Variants in CROCC observed in about 807,000 individuals in gnomAD.
CROCC encodes the protein ciliary rootlet coiled-coil, rootletin, also known as rootletin.
In CROCC, 180 loss-of-function variants were observed where a neutral mutation model predicts 245.2. The ratio of observed to expected loss-of-function variants is 0.73; its 90% confidence interval spans 0.65 to 0.83. The LOEUF is 0.83. Ranked by LOEUF, CROCC falls within the 40% of genes least tolerant of loss-of-function variation. The pLI is 0.00. For synonymous variants in CROCC, 1,205 were observed against 1,241.6 expected (o/e 0.97, Z 0.62); for missense variants, 2,688 against 2,779.4 (o/e 0.97, Z 0.74).
At position 16,939,878 on chromosome 1, in the gene CROCC, A is replaced by G; in HGVS notation, c.1609-16A>G. The stretch of plus-strand genomic sequence containing the variant: ...CTCTCAGGCCCCCCCAGACTCTGTG[A>G]CCCCCCACACCCCAGGACATGCGTG... On this transcript the variant is annotated splice_polypyrimidine_tract_variant and intron_variant, in intron 12 of 36. Transcript: ENST00000375541. The G allele has an allele frequency of 6.2e-7, 1 of 1,609,842 alleles. No homozygotes were observed. Among genetic ancestry groups the G allele is most frequent in the Non-Finnish European group, 8.5e-7 (1 of 1,178,364 alleles).
chr1:16,950,833 G>C lies in CROCC; in HGVS notation c.2837-120G>C, dbSNP rs185343234. ...AGCCACTTCAAGAGGACCCAAACTAGATGCCAGGCAGGCCCTCTGCCTCTG... is the reference window on the plus strand; with the variant it reads ...AGCCACTTCAAGAGGACCCAAACTACATGCCAGGCAGGCCCTCTGCCTCTG... On this transcript the variant is annotated intron_variant, in intron 19 of 36. Coordinates refer to ENST00000375541, the MANE Select transcript of CROCC (RefSeq NM_014675.5). 1.0e-4 allele frequency: 83 copies of C among 807,468 alleles called. No homozygotes were observed. The African/African-American group carries it at 1.2e-3, about 12-fold the overall frequency. 50.0% of individuals were successfully genotyped at this position (807,468 alleles called of 1,614,324 possible). A position where few individuals can be genotyped will look rare whatever the true frequency, so the allele number is the denominator to read the frequency against.
chr1:16,952,637 A>T (rs934445897), intron 20 of CROCC, among the ~76,000 whole-genome samples: 1 of 151,880 alleles, frequency 6.6e-6, no homozygotes, highest in Non-Finnish European at 1.5e-5. Flanking sequence ...CAGGGATCTG[A>T]ACTCCTGTGA....
chr1:16,935,184 G>A (rs1323460044), intron 8 of CROCC, among the ~76,000 whole-genome samples: 2 of 152,218 alleles, frequency 1.3e-5, no homozygotes, highest in Non-Finnish European at 2.9e-5. Context: ...ACAGGCATGA[G>A]CCACCACGCC....
At position 16,939,012 on chromosome 1, in the gene CROCC, CG is replaced by C; in HGVS notation, c.1479del (p.Ser494ProfsTer30). The C allele has an allele frequency of 6.2e-7, 1 of 1,601,260 alleles. No individual in the cohort carries two copies. The highest frequency in any genetic ancestry group is 8.5e-7 in the Non-Finnish European group (1 of 1,175,754). On this transcript the variant is annotated frameshift_variant, in exon 12 of 37. Coordinates refer to ENST00000375541, the MANE Select transcript of CROCC (RefSeq NM_014675.5). LOFTEE classifies it high-confidence loss of function. ...CGGGGGCTCTCGGGCCAGCGGACCC[CG>C]TCCCCACCGCGGCGCTCCTCGCCCG... is the stretch of plus-strand genomic sequence containing the variant. ...SLRGLSGQRT[P>X]SPPRRSSPGR...
At chr1:16,916,981 G>A (rs146104439), upstream of CROCC, among the ~76,000 whole-genome samples, 5,274 of 151,302 alleles carry the variant, frequency 0.035, no homozygotes, top group Middle Eastern at 0.058. Flanking sequence ...AGCTGGGCGC[G>A]GTGGCGCATA....
chr1:16,972,523 A>AGAG lies in CROCC; in HGVS notation c.*78_*80dup, dbSNP rs1440475186. The stretch of plus-strand genomic sequence containing the variant: ...CTTCTTTTGGACAGCCCCCCCACCC[A>AGAG]GAGCCCGGTCCCTTGGGGGCCTCAA... On this transcript the variant is annotated 3_prime_UTR_variant, in exon 37 of 37. Transcript: ENST00000375541. 7 of 868,126 alleles carry AGAG rather than the reference A, an allele frequency of 8.1e-6. No individual in the cohort carries two copies. The highest frequency in any genetic ancestry group is 1.2e-5 in the Non-Finnish European group (7 of 587,638). 53.8% of individuals were successfully genotyped at this position (868,126 alleles called of 1,614,324 possible).
rs868828992 is a variant in CROCC at position 16,962,738 on chromosome 1, T to A, written c.4405+1608T>A. ...AATATACATATATATATATGTATATTTTTTTTTTTTAGGAGAGATGGGGTT... is the reference window on the plus strand; with the variant it reads ...AATATACATATATATATATGTATATATTTTTTTTTTAGGAGAGATGGGGTT... On this transcript the variant is annotated intron_variant, in intron 27 of 36. Transcript: ENST00000375541. 7.4e-4 allele frequency among the ~76,000 whole-genome samples: 107 copies of A among 144,106 alleles called. 1 individual carries two copies. Among genetic ancestry groups the A allele is most frequent in the Middle Eastern group, 3.6e-3 (1 of 280 alleles). The allele number at this position is 144,106 out of a possible 152,430, so 94.5% of individuals were successfully genotyped here. A position where few individuals can be genotyped will look rare whatever the true frequency, so the allele number is the denominator to read the frequency against.
rs778501784 is a variant in CROCC at position 16,946,796 on chromosome 1, A to G, written c.2319A>G (p.Gln773=). Residue 773 remains glutamine (Q), a synonymous_variant, in exon 17 of 37, where the codon CAA becomes CAG. Coordinates refer to ENST00000375541, the MANE Select transcript of CROCC (RefSeq NM_014675.5). ...AAAAGTCCGCCCTGCAGGGCCGGCAACGGCAGGCAGAGCAGGAGGCCACAG... is the reference window on the plus strand; with the variant it reads ...AAAAGTCCGCCCTGCAGGGCCGGCAGCGGCAGGCAGAGCAGGAGGCCACAG... ...EEEKSALQGR[Q]RQAEQEATVA... The G allele has an allele frequency of 3.0e-5, 47 of 1,552,048 alleles. No individual in the cohort carries two copies. The highest frequency in any genetic ancestry group is 5.5e-5 in the African/African-American group (4 of 73,166).
At chr1:16,970,194 C>T in intron 33 of CROCC, 59 bp from the exon 34 acceptor site, 1 of 1,455,848 alleles carries the variant, frequency 6.9e-7, no homozygotes, top group Non-Finnish European at 9.2e-7. Context: ...TGTCCCCAAG[C>T]TTCAGATAAG....
At chr1:16,971,317 G>C (rs947812516) in intron 35 of CROCC, 148 bp from the exon 36 acceptor site, 34 of 1,270,180 alleles carry the variant, frequency 2.7e-5, no homozygotes, top group Non-Finnish European at 3.3e-5. Context: ...CTCACTGTCA[G>C]GGCCAGCAGG....
intron 27 of CROCC, among the ~76,000 whole-genome samples, chr1:16,963,752 T>C (rs923176810): frequency 4.7e-5 from 7 of 148,936 alleles, no homozygotes; most frequent in South Asian, 2.2e-4. Context: ...TGGATTCCCA[T>C]CTCAGCCCTG....
Position 16,938,386 on chromosome 1 carries a change from T to C in CROCC, c.1291-14T>C. ...GAACCCCAACCACCCTTTGTCTCCC[T>C]AACCGCACTCCAGGAATCCCTGCGG... On this transcript the variant is annotated splice_polypyrimidine_tract_variant and intron_variant, in intron 10 of 36. Transcript: ENST00000375541. 6.4e-7 allele frequency: 1 copy of C among 1,554,008 alleles called. No homozygotes were observed. The highest frequency in any genetic ancestry group is 8.7e-7 in the Non-Finnish European group (1 of 1,149,086).
chr1:16,960,792 A>G lies in CROCC; in HGVS notation c.4067A>G (p.Glu1356Gly), dbSNP rs977355507. 2 of 1,540,370 alleles carry G rather than the reference A, an allele frequency of 1.3e-6. No homozygotes were observed. The highest frequency in any genetic ancestry group is 1.2e-5 in the South Asian group (1 of 84,482). Residue 1356 changes from glutamate (E) to glycine (G), a missense_variant, in exon 27 of 37, where the codon GAA becomes GGA. Glu to Gly is a moderately conservative substitution (Grantham distance 98). This residue lies in a region of CROCC where 1,218 missense variants were observed against 1,286.3 expected (regional missense o/e 0.95). Transcript: ENST00000375541. The part of the protein sequence containing the change: ...QVAQRKLQEQ[E>G]GEFRTRERRL... The stretch of plus-strand genomic sequence containing the variant: ...GCCCAGCGGAAGCTGCAGGAACAAG[A>G]AGGCGAGTTCCGGACCCGCGAGCGA...
rs1321160634 is a variant in CROCC, at chr1:16,940,010, C to G, written c.1725C>G (p.Asp575Glu). The change falls in exon 13 of 37, where the codon GAC (aspartate) becomes GAG (glutamate). Residue 575 changes from aspartate (D) to glutamate (E), a missense_variant. Around this residue, in one of 9 missense-constraint regions of CROCC, gnomAD observed 972 missense variants for 895.3 expected, o/e 1.09. Transcript: ENST00000375541. Reference sequence around the variant, plus strand: ...AGGAACAGCTGCAGCGCCTGCGGGACAAGACCGACGGCGCCATGCAGGCCC... The same window carrying G: ...AGGAACAGCTGCAGCGCCTGCGGGAGAAGACCGACGGCGCCATGCAGGCCC... ...ALEEQLQRLRDKTDGAMQAHE... is the reference protein window; with the variant it reads ...ALEEQLQRLREKTDGAMQAHE... 16 of 1,611,692 alleles carry G rather than the reference C, an allele frequency of 9.9e-6. No individual in the cohort carries two copies. The highest frequency in any genetic ancestry group is 1.3e-5 in the Non-Finnish European group (15 of 1,179,596).
At chr1:16,928,840 A>T (rs2075597014) in intron 3 of CROCC, among the ~76,000 whole-genome samples, 1 of 151,970 alleles carries the variant, frequency 6.6e-6, no homozygotes, top group Admixed American at 6.6e-5. Flanking sequence ...AAAAATAAAT[A>T]AATAAAGATG....
At chr1:16,923,399 C>T (rs986211793) in intron 2 of CROCC, among the ~76,000 whole-genome samples, 1 of 152,298 alleles carries the variant, frequency 6.6e-6, no homozygotes, top group Non-Finnish European at 1.5e-5. Context: ...GATGTTGGCG[C>T]CCTGGAGCCC....
In CROCC at chr1:16,948,417, G is replaced by T. The variant is rs776506952; in HGVS notation, c.2601G>T (p.Ala867=). 1.3e-6 allele frequency: 2 copies of T among 1,573,294 alleles called. No individual in the cohort carries two copies. The highest frequency in any genetic ancestry group is 2.3e-5 in the East Asian group (1 of 43,692). The change falls in exon 18 of 37, where the codon GCG becomes GCT. Residue 867 remains alanine, a synonymous_variant. Transcript: ENST00000375541. ...GGCAAGTGGAGGCGCTGGAGCGAGC[G>T]GCCCGTGAGAAGGAGGCGCTAGCCA... ...AQRQVEALER[A]AREKEALAKE...
rs2075801427 is a variant in CROCC, at chr1:16,936,828, A to G, written c.1148A>G (p.Gln383Arg). 2 of 1,612,222 alleles carry G rather than the reference A, an allele frequency of 1.2e-6. No individual in the cohort carries two copies. The highest frequency in any genetic ancestry group is 1.7e-6 in the Non-Finnish European group (2 of 1,179,822). ...DKVLREKDLA[Q>R]QQMQSDLDKA... is the part of the protein sequence containing the mutation. ...GTGCTCCGCGAGAAGGACCTGGCGC[A>G]GCAGCAGATGCAAAGCGACCTGGAC... Residue 383 changes from glutamine (Q) to arginine (R), a missense_variant, in exon 9 of 37, where the codon CAG (glutamine) becomes CGG (arginine). Around this residue, in one of 9 missense-constraint regions of CROCC, gnomAD observed 972 missense variants for 895.3 expected, o/e 1.09. Coordinates refer to ENST00000375541, the MANE Select transcript of CROCC (RefSeq NM_014675.5).
In CROCC at chr1:16,954,240, G is replaced by A. The variant is rs140178093; in HGVS notation, c.3204G>A (p.Glu1068=). ...CTGCCCAGGCCTTGTCTCTGAAGGA[G>A]TCTGAGAAGACGGCGCTGTCAGAGA... ...SEKQQALSLK[E]SEKTALSEKL... Residue 1068 remains glutamate (E), a synonymous_variant, in exon 22 of 37, where the codon GAG becomes GAA. Transcript: ENST00000375541. The surrounding 1 kb of genome is among the most constrained non-coding windows in gnomAD (Gnocchi z 4.4). The A allele has an allele frequency of 9.7e-3, 15,561 of 1,610,594 alleles. 12 individuals carry two copies. Among genetic ancestry groups the A allele is most frequent in the Middle Eastern group, 0.019 (84 of 4,448 alleles).
Sources: allele counts gnomAD v4.1 joint callset (sites outside exome capture counted in the v4.1 genomes callset), GRCh38; gene constraint gnomAD v4.1.1; regional missense constraint gnomAD v4.1.1; non-coding constraint Gnocchi (gnomAD v3.1); transcripts MANE v1.5; gene names NCBI Gene and HGNC (gene_info 2026-07-23, HGNC 2026-07-21).